The following UBE2J1 variants were observed in gnomAD, a reference collection of about 807,000 sequenced individuals.
The protein encoded by UBE2J1 is ubiquitin-conjugating enzyme E2 J1.
A neutral mutation model predicts 42.1 loss-of-function variants in UBE2J1; 17 were observed. The observed-to-expected ratio is 0.40, with a 90% CI of 0.28 to 0.61. UBE2J1 has a LOEUF of 0.61. Among genes scored for constraint, UBE2J1 ranks in the 20% least tolerant of loss-of-function variants. UBE2J1 has a pLI of 0.38. For missense variants in UBE2J1, 291 were observed against 389.4 expected (o/e 0.75, Z 2.13); for synonymous variants, 127 against 137.2 (o/e 0.93, Z 0.52).
intron 1 of UBE2J1, among the ~76,000 whole-genome samples, chr6:89,348,545 G>A (rs1768406084): frequency 6.6e-6 from 1 of 152,194 alleles, no homozygotes; most frequent in South Asian, 2.1e-4. Flanking sequence ...CTCCCATAAT[G>A]AAGGTACTTA....
At chr6:89,332,127 T>C (rs1003084682) in intron 7 of UBE2J1, among the ~76,000 whole-genome samples, 6 of 152,148 alleles carry the variant, frequency 3.9e-5, no homozygotes, top group African/African-American at 1.4e-4. Flanking sequence ...TATTGCTGGG[T>C]AAAGGGCAAA....
intron 3 of UBE2J1, among the ~76,000 whole-genome samples, chr6:89,340,281 T>C (rs968936005): frequency 3.9e-5 from 6 of 152,204 alleles, no homozygotes; most frequent in Non-Finnish European, 8.8e-5. Context: ...CCAGTGTGGT[T>C]AGTATGACCA....
chr6:89,351,049 C>T (rs1422228568), intron 1 of UBE2J1, among the ~76,000 whole-genome samples: 1 of 150,850 alleles, frequency 6.6e-6, no homozygotes, highest in Non-Finnish European at 1.5e-5. Context: ...TTTCTTCCTC[C>T]CTCCCCACCC....
At chr6:89,346,678 C>A (rs1768370863) in intron 1 of UBE2J1, among the ~76,000 whole-genome samples, 1 of 151,642 alleles carries the variant, frequency 6.6e-6, no homozygotes, top group Non-Finnish European at 1.5e-5. Context: ...AGATTTCAAT[C>A]TGGGCAGATC....
At chr6:89,348,488 G>A (rs2127873839) in intron 1 of UBE2J1, among the ~76,000 whole-genome samples, 1 of 152,284 alleles carries the variant, frequency 6.6e-6, no homozygotes, top group Admixed American at 6.5e-5. Flanking sequence ...TGAAATGCAG[G>A]AGACAGGTAT....
At chr6:89,343,840 T>C in intron 1 of UBE2J1, 84 bp from the exon 2 acceptor site, 5 of 1,081,252 alleles carry the variant, frequency 4.6e-6, no homozygotes, top group Non-Finnish European at 1.3e-6. Flanking sequence ...AATGAAAAAA[T>C]GTGTAGAGAA....
At chr6:89,351,354 C>A (rs757210509) in intron 1 of UBE2J1, among the ~76,000 whole-genome samples, 2 of 152,012 alleles carry the variant, frequency 1.3e-5, no homozygotes, top group African/African-American at 4.8e-5. Flanking sequence ...CGTGTGCCAC[C>A]GTGCCAGGTC....
intron 1 of UBE2J1, among the ~76,000 whole-genome samples, chr6:89,351,113 G>T (rs556788040): frequency 9.5e-6 from 1 of 105,426 alleles, no homozygotes; most frequent in African/African-American, 3.8e-5. Flanking sequence ...ATGGAGTCTC[G>T]CTCTGTCGCC....
chr6:89,349,996 A>T (rs1768439106), intron 1 of UBE2J1, among the ~76,000 whole-genome samples: 1 of 152,268 alleles, frequency 6.6e-6, no homozygotes, highest in East Asian at 1.9e-4. Context: ...TTGACAGATT[A>T]TAGACAAGTA....
chr6:89,346,157 G>A (rs61287921), intron 1 of UBE2J1, among the ~76,000 whole-genome samples: 4,528 of 152,072 alleles, frequency 0.03, 115 homozygotes, highest in African/African-American at 0.069. Flanking sequence ...GATTACAGGC[G>A]GGAATCAGCA....
intron 2 of UBE2J1, 141 bp downstream of exon 2, chr6:89,343,542 G>T: frequency 3.9e-5 from 16 of 414,364 alleles, no homozygotes; most frequent in Admixed American, 4.5e-5. Flanking sequence ...AATGGCTAAT[G>T]AAATATTCAT....
At chr6:89,348,509 G>C (rs1022613023) in intron 1 of UBE2J1, among the ~76,000 whole-genome samples, 4 of 152,192 alleles carry the variant, frequency 2.6e-5, no homozygotes, top group Admixed American at 6.5e-5. Context: ...ATTAAGGAAG[G>C]CATGCTCCCT....
At chr6:89,338,411 A>G (rs1768152257) in intron 4 of UBE2J1, 48 bp downstream of exon 4, 2 of 1,568,694 alleles carry the variant, frequency 1.3e-6, no homozygotes, top group Admixed American at 1.7e-5. Flanking sequence ...CATAACTATG[A>G]ATTGACTGAA....
intron 1 of UBE2J1, among the ~76,000 whole-genome samples, chr6:89,351,037 C>A (rs1470753896): frequency 9.3e-6 from 1 of 107,062 alleles, no homozygotes. Context: ...TCTCTTTGGT[C>A]TTTTCTTCCT....
At chr6:89,346,889 G>T (rs1389667047) in intron 1 of UBE2J1, among the ~76,000 whole-genome samples, 1 of 152,130 alleles carries the variant, frequency 6.6e-6, no homozygotes, top group African/African-American at 2.4e-5. Flanking sequence ...CTAAGCAATA[G>T]TAATGACAGT....
At position 89,329,310 on chromosome 6, in the gene UBE2J1, T is replaced by C; in HGVS notation, c.*369A>G. The C allele has an allele frequency of 3.8e-6, 1 of 260,958 alleles. No individual in the cohort carries two copies. The highest frequency in any genetic ancestry group is 7.4e-6 in the Non-Finnish European group (1 of 135,482). 16.2% of individuals were successfully genotyped at this position (260,958 alleles called of 1,614,324 possible). A position where few individuals can be genotyped will look rare whatever the true frequency, so the allele number is the denominator to read the frequency against. On this transcript the variant is annotated 3_prime_UTR_variant, in exon 8 of 8. Transcript: ENST00000435041. ...AAACAGAGTACTCAATAAGTGGTAT[T>C]GAGTAACTAGTAATACTCATTGGAA... is the stretch of plus-strand genomic sequence containing the variant.
intron 2 of UBE2J1, 147 bp downstream of exon 2, chr6:89,343,536 G>T: frequency 4.1e-6 from 2 of 486,480 alleles, no homozygotes; most frequent in Non-Finnish European, 7.0e-6. Context: ...ATTTGGAATG[G>T]CTAATGAAAT....
At chr6:89,333,268 C>G in intron 6 of UBE2J1, 63 bp from the exon 7 acceptor site, 11 of 1,516,782 alleles carry the variant, frequency 7.3e-6, no homozygotes, top group South Asian at 4.0e-5. Flanking sequence ...CATACACAAT[C>G]TACAACCTGC....
intron 1 of UBE2J1, among the ~76,000 whole-genome samples, chr6:89,345,798 T>G (rs1768351943): frequency 6.6e-6 from 1 of 150,610 alleles, no homozygotes; most frequent in Admixed American, 6.6e-5. Flanking sequence ...TCCCAGCTAC[T>G]AGGGAGGCTG....
Sources: gnomAD v4.1 joint callset for allele counts (sites outside exome capture counted in the v4.1 genomes callset) on GRCh38, gnomAD v4.1.1 for gene constraint, MANE v1.5 for transcripts, NCBI Gene and HGNC (gene_info 2026-07-23, HGNC 2026-07-21) for gene names.